The following PLD1 variants were observed in gnomAD, a reference collection of about 807,000 sequenced individuals.
PLD1 encodes the protein phospholipase D1.
Under a neutral mutation model 137.1 loss-of-function variants are expected in PLD1, and 112 were observed. The ratio of observed to expected loss-of-function variants is 0.82; its 90% CI spans 0.70 to 0.96. The LOEUF (loss-of-function observed/expected upper bound fraction) is 0.96, where lower values mean the gene tolerates loss of function less well. Among genes scored for constraint, PLD1 ranks in the 40% least tolerant of loss-of-function variants. The pLI, the probability that PLD1 is intolerant of heterozygous loss-of-function variation, is 0.00. For missense variants in PLD1, 1,321 were observed against 1,342.0 expected (o/e 0.98, Z 0.24); for synonymous variants, 431 against 454.7 (o/e 0.95, Z 0.66).
intron 19 of PLD1, among the ~76,000 whole-genome samples, chr3:171,669,471 G>C (rs1043806179): frequency 6.6e-6 from 1 of 151,970 alleles, no homozygotes; most frequent in East Asian, 1.9e-4. Context: ...GTGTAATCTC[G>C]GCTCACTGCA....
intron 19 of PLD1, among the ~76,000 whole-genome samples, chr3:171,669,426 G>A (rs538824947): frequency 1.3e-5 from 2 of 152,152 alleles, no homozygotes; most frequent in East Asian, 1.9e-4. Context: ...TTTTTTAGAC[G>A]AGTTTTGCTC....
chr3:171,744,329 G>A (rs1300997215), intron 1 of PLD1, among the ~76,000 whole-genome samples: 1 of 152,158 alleles, frequency 6.6e-6, no homozygotes, highest in Non-Finnish European at 1.5e-5. Flanking sequence ...CCCGTGCCAA[G>A]AAAAGGAGAT....
chr3:171,616,435 A>G (rs1442123141), intron 24 of PLD1, among the ~76,000 whole-genome samples: 1 of 152,220 alleles, frequency 6.6e-6, no homozygotes, highest in African/African-American at 2.4e-5. Context: ...AACTGTGAAT[A>G]TATGTTCAAT....
chr3:171,761,341 A>G (rs1721377629), intron 1 of PLD1, among the ~76,000 whole-genome samples: 1 of 152,186 alleles, frequency 6.6e-6, no homozygotes, highest in African/African-American at 2.4e-5. Context: ...AGCTTCCTAA[A>G]AAAGGAGATG....
rs758501625 is a variant in PLD1, at chr3:171,620,490, A to G, written c.2624T>C (p.Phe875Ser). The change falls in exon 24 of 27, where the codon TTC becomes TCC. Residue 875 changes from phenylalanine to serine, a missense_variant. Coordinates refer to ENST00000351298, the MANE Select transcript of PLD1 (RefSeq NM_002662.5). ...LGNQWINYIS[F>S]CGLRTHAELE... Reference sequence around the variant, plus strand: ...CTCTGCATGTGTTCTAAGACCACAGAATGATATGTAATTTATCCACTGATT... The same window carrying G: ...CTCTGCATGTGTTCTAAGACCACAGGATGATATGTAATTTATCCACTGATT... 3.8e-6 allele frequency: 6 copies of G among 1,591,854 alleles called. No homozygotes were observed. The highest frequency in any genetic ancestry group is 5.2e-6 in the Non-Finnish European group (6 of 1,161,480).
At chr3:171,752,518 C>T (rs936602223) in intron 1 of PLD1, among the ~76,000 whole-genome samples, 8 of 152,336 alleles carry the variant, frequency 5.3e-5, no homozygotes, top group Admixed American at 2.0e-4. Flanking sequence ...GGCCAGACTT[C>T]CCAGTTACAT....
chr3:171,737,962 C>T lies in PLD1; in HGVS notation c.90G>A (p.Thr30=), dbSNP rs750439678. 8.7e-6 allele frequency: 14 copies of T among 1,613,844 alleles called. No homozygotes were observed. Among genetic ancestry groups the T allele is most frequent in the Middle Eastern group, 3.3e-4 (2 of 6,082 alleles). Residue 30 remains threonine (T), a synonymous_variant, in exon 2 of 27, where the codon ACG becomes ACA. Coordinates refer to ENST00000351298, the MANE Select transcript of PLD1 (RefSeq NM_002662.5). ...DMSNIIENLD[T]RELHFEGEEV... ...CCTCTCCCTCAAAGTGGAGTTCCCG[C>T]GTGTCCAGATTTTCTATGATATTAC...
At chr3:171,736,150 C>T (rs73043860) in intron 3 of PLD1, among the ~76,000 whole-genome samples, 5,777 of 152,212 alleles carry the variant, frequency 0.038, 270 homozygotes, top group African/African-American at 0.11. Context: ...GTCTATACCA[C>T]CCACCCACCC....
At chr3:171,690,981 C>T (rs1013415781) in intron 13 of PLD1, among the ~76,000 whole-genome samples, 15 of 152,024 alleles carry the variant, frequency 9.9e-5, no homozygotes, top group African/African-American at 3.1e-4. Flanking sequence ...TCATATATTT[C>T]GATTATCTGT....
At chr3:171,699,155 C>A (rs1033604754) in intron 12 of PLD1, among the ~76,000 whole-genome samples, 1 of 151,998 alleles carries the variant, frequency 6.6e-6, no homozygotes, top group Non-Finnish European at 1.5e-5. Context: ...ATTAGTGAGC[C>A]TAGGCTGCTT....
chr3:171,714,466 G>A (rs1717523516), intron 8 of PLD1, among the ~76,000 whole-genome samples: 1 of 152,174 alleles, frequency 6.6e-6, no homozygotes, highest in Non-Finnish European at 1.5e-5. Context: ...ATTGTAGAGT[G>A]ATAGACTGAA....
At chr3:171,631,251 G>A (rs1734635063) in intron 23 of PLD1, among the ~76,000 whole-genome samples, 1 of 152,132 alleles carries the variant, frequency 6.6e-6, no homozygotes, top group Non-Finnish European at 1.5e-5. Flanking sequence ...TTTTCATGGT[G>A]GTATGGGCCA....
chr3:171,611,680 T>C (rs767408588), intron 25 of PLD1: 3 of 510,536 alleles, frequency 5.9e-6, no homozygotes, highest in Non-Finnish European at 7.8e-6. Context: ...CAGCAGTCAC[T>C]GGCATACCCC....
chr3:171,689,363 C>A (rs888239104), intron 13 of PLD1, among the ~76,000 whole-genome samples: 5 of 152,034 alleles, frequency 3.3e-5, no homozygotes, highest in Admixed American at 1.3e-4. Context: ...TTAAAAGGTA[C>A]CTTGAGAAGT....
chr3:171,809,674 A>T (rs991143277), intron 1 of PLD1: 1 of 152,356 alleles, frequency 6.6e-6, no homozygotes, highest in African/African-American at 2.4e-5. Context: ...GCGGTAGTTC[A>T]GGACTGAGTC....
chr3:171,692,494 C>T, intron 12 of PLD1, 52 bp from the exon 13 acceptor site: 2 of 867,896 alleles, frequency 2.3e-6, no homozygotes, highest in Non-Finnish European at 2.0e-6. Context: ...AGGGAAGTTA[C>T]AATTCATTTT....
intron 1 of PLD1, among the ~76,000 whole-genome samples, chr3:171,761,128 T>C (rs1029911049): frequency 1.3e-5 from 2 of 152,186 alleles, no homozygotes; most frequent in Non-Finnish European, 2.9e-5. Context: ...GACTAGCAGC[T>C]ATTCTTGTGA....
chr3:171,626,197 T>C (rs540229957), intron 23 of PLD1, among the ~76,000 whole-genome samples: 2 of 151,966 alleles, frequency 1.3e-5, no homozygotes, highest in Admixed American at 1.3e-4. Flanking sequence ...GAGAACTACA[T>C]GAAGAACGCA....
At chr3:171,626,665 T>C (rs1271757247) in intron 23 of PLD1, among the ~76,000 whole-genome samples, 1 of 151,652 alleles carries the variant, frequency 6.6e-6, no homozygotes, top group East Asian at 1.9e-4. Flanking sequence ...CAGCAGAAAC[T>C]CTACAAGCCA....
Sources: gnomAD v4.1 joint callset for allele counts (sites outside exome capture counted in the v4.1 genomes callset) on GRCh38, gnomAD v4.1.1 for gene constraint, MANE v1.5 for transcripts, NCBI Gene and HGNC (gene_info 2026-07-23, HGNC 2026-07-21) for gene names.